PCCA: variants seen among roughly 807,000 people sequenced by gnomAD.
PCCA encodes propionyl-CoA carboxylase subunit alpha, also known as propionyl-CoA carboxylase alpha chain, mitochondrial.
A neutral mutation model predicts 101.3 loss-of-function variants in PCCA; 74 were observed. The ratio of observed to expected loss-of-function variants is 0.73; its 90% confidence interval spans 0.61 to 0.89. PCCA has a LOEUF of 0.89. Among genes scored for constraint, PCCA ranks in the 40% least tolerant of loss-of-function variants. The probability of loss-of-function intolerance (pLI) is 0.00; values close to 1 mark genes in which losing one functional copy is unlikely to be tolerated. For missense variants in PCCA, 891 were observed against 907.0 expected (o/e 0.98, Z 0.23); for synonymous variants, 294 against 313.6 (o/e 0.94, Z 0.66).
chr13:100,442,590 G>A lies in PCCA; in HGVS notation c.1846-6662G>A, dbSNP rs569910416. Among the ~76,000 whole-genome samples, 9 of 152,296 alleles carry A rather than the reference G, an allele frequency of 5.9e-5. No individual in the cohort carries two copies. In the East Asian group the frequency reaches 9.7e-4, roughly 16 times the overall value. On this transcript the variant is annotated intron_variant, in intron 20 of 23. Transcript: ENST00000376285. ...TAGTGTCTCCTACATAGAAGGGAAC[G>A]CCCAGTATGGCCTAGGCAGTGTTCT...
chr13:100,289,086 A>G (rs1368237092), intron 12 of PCCA, among the ~76,000 whole-genome samples: 1 of 152,156 alleles, frequency 6.6e-6, no homozygotes, highest in Non-Finnish European at 1.5e-5. Flanking sequence ...CTAATAATGC[A>G]TATTTTTAAA....
At chr13:100,410,695 T>TA (rs2077993773) in intron 19 of PCCA, among the ~76,000 whole-genome samples, 1 of 152,220 alleles carries the variant, frequency 6.6e-6, no homozygotes, top group Non-Finnish European at 1.5e-5. Context: ...CTATTTTTTT[T>TA]AAAGTTTGTT....
chr13:100,189,134 G>A lies in PCCA; in HGVS notation c.469-20198G>A, dbSNP rs766338285. On this transcript the variant is annotated intron_variant, in intron 6 of 23. Transcript: ENST00000376285. ...CTCCCACTTATGAGTGAAAACATGC[G>A]GTGTTTGGTTTTCTGATCTTGTGAT... Among the ~76,000 whole-genome samples the A allele has an allele frequency of 1.7e-4, 26 of 151,990 alleles. 1 individual carries two copies. The highest frequency in any genetic ancestry group is 5.8e-4 in the African/African-American group (24 of 41,372).
chr13:100,492,153 G>C (rs561413694), intron 21 of PCCA, among the ~76,000 whole-genome samples: 27 of 148,598 alleles, frequency 1.8e-4, no homozygotes, highest in Non-Finnish European at 3.0e-4. Context: ...TTTTTTTTTT[G>C]GGACGGAGTC....
chr13:100,258,051 CA>C, intron 9 of PCCA, among the ~76,000 whole-genome samples: 1 of 152,246 alleles, frequency 6.6e-6, no homozygotes, highest in Non-Finnish European at 1.5e-5. Flanking sequence ...GTTATAATTT[CA>C]TTGAGACTTA....
At chr13:100,455,692 T>C (rs2081655380) in intron 21 of PCCA, among the ~76,000 whole-genome samples, 1 of 152,106 alleles carries the variant, frequency 6.6e-6, no homozygotes, top group Non-Finnish European at 1.5e-5. Context: ...ATGGCACATA[T>C]GCAATCGTTT....
intron 4 of PCCA, among the ~76,000 whole-genome samples, chr13:100,114,867 G>A (rs1023253061): frequency 1.3e-5 from 2 of 152,118 alleles, no homozygotes; most frequent in African/African-American, 4.8e-5. Context: ...CAGTATGGAG[G>A]TTTCTCAAAA....
chr13:100,477,212 T>A (rs1249177596), intron 21 of PCCA: 1 of 152,172 alleles, frequency 6.6e-6, no homozygotes, highest in Non-Finnish European at 1.5e-5. Context: ...TTGGCGACAG[T>A]GAGAATTAAA....
chr13:100,121,176 TTA>T (rs1420701126), intron 4 of PCCA, among the ~76,000 whole-genome samples: 2,723 of 52,782 alleles, frequency 0.052, 71 homozygotes, highest in African/African-American at 0.19. Context: ...TTTTTTTTTT[TTA>T]AAGATGGAGT....
chr13:100,158,502 C>G (rs561460946), intron 6 of PCCA, among the ~76,000 whole-genome samples: 50 of 152,176 alleles, frequency 3.3e-4, no homozygotes, highest in Non-Finnish European at 5.6e-4. Flanking sequence ...ATGGACACAT[C>G]CAGAGGTTCC....
intron 6 of PCCA, among the ~76,000 whole-genome samples, chr13:100,179,584 C>T (rs113482869): frequency 3.3e-5 from 5 of 152,256 alleles, no homozygotes; most frequent in African/African-American, 1.2e-4. Context: ...GCATGCAGCT[C>T]CTTAAATTGT....
intron 21 of PCCA, among the ~76,000 whole-genome samples, chr13:100,471,305 T>C (rs2082991604): frequency 6.6e-6 from 1 of 152,150 alleles, no homozygotes. Flanking sequence ...ACAATTTCAA[T>C]GGTAACATCA....
intron 19 of PCCA, among the ~76,000 whole-genome samples, chr13:100,412,527 A>C (rs1338328128): frequency 6.6e-6 from 1 of 152,304 alleles, no homozygotes; most frequent in Admixed American, 6.5e-5. Flanking sequence ...TCTATTTCTT[A>C]TTAGGTGCAA....
intron 16 of PCCA, among the ~76,000 whole-genome samples, chr13:100,311,331 TG>T (rs2066901227): frequency 6.6e-6 from 1 of 152,078 alleles, no homozygotes; most frequent in Non-Finnish European, 1.5e-5. Context: ...AAAAATGGAG[TG>T]ATAGTCTCTG....
intron 14 of PCCA, among the ~76,000 whole-genome samples, chr13:100,304,895 G>A (rs997915616): frequency 2.6e-5 from 4 of 152,138 alleles, no homozygotes; most frequent in African/African-American, 7.2e-5. Context: ...TATGGCAGAG[G>A]TGAAGATTTC....
chr13:100,168,208 T>G (rs773059626), intron 6 of PCCA, among the ~76,000 whole-genome samples: 8 of 152,158 alleles, frequency 5.3e-5, no homozygotes, highest in Non-Finnish European at 1.2e-4. Context: ...AGGATGAGGT[T>G]TAAGATTGCT....
chr13:100,483,171 A>G (rs892171757), intron 21 of PCCA, among the ~76,000 whole-genome samples: 8 of 152,256 alleles, frequency 5.3e-5, no homozygotes, highest in East Asian at 1.9e-4. Flanking sequence ...TTTTTATTCC[A>G]TCATTAAAAG....
intron 19 of PCCA, among the ~76,000 whole-genome samples, chr13:100,414,870 A>G: frequency 6.6e-6 from 1 of 152,204 alleles, no homozygotes. Flanking sequence ...TCCATCTCTA[A>G]AACAGTCTTG....
At chr13:100,361,762 G>A (rs2074629350) in intron 18 of PCCA, among the ~76,000 whole-genome samples, 1 of 152,172 alleles carries the variant, frequency 6.6e-6, no homozygotes. Context: ...CCAAATGGTG[G>A]CAAGGATGTA....
Sources: gnomAD v4.1 joint callset for allele counts (sites outside exome capture counted in the v4.1 genomes callset) on GRCh38, gnomAD v4.1.1 for gene constraint, MANE v1.5 for transcripts, NCBI Gene and HGNC (gene_info 2026-07-23, HGNC 2026-07-21) for gene names.